Variants in MAP6 observed in about 807,000 individuals in gnomAD.
MAP6 encodes microtubule associated protein 6.
Under a neutral mutation model 42.4 loss-of-function variants are expected in MAP6, and 26 were observed. That is an observed-to-expected ratio of 0.61 (90% CI 0.45 to 0.85). The LOEUF (loss-of-function observed/expected upper bound fraction) is 0.85. MAP6 is among the 40% of genes least tolerant of loss of function. The pLI is 0.00. For synonymous variants in MAP6, 418 were observed against 443.8 expected, an observed-to-expected ratio of 0.94 and a Z score of 0.73; for missense variants, 966 against 1,099.0, an observed-to-expected ratio of 0.88 and a Z score of 1.71.
chr11:75,611,845 G>A (rs1942902412), intron 1 of MAP6, among the ~76,000 whole-genome samples: 1 of 152,234 alleles, frequency 6.6e-6, no homozygotes, highest in Non-Finnish European at 1.5e-5. Context: ...TATAAAGGAG[G>A]TAACCAAGGC....
intron 1 of MAP6, among the ~76,000 whole-genome samples, chr11:75,618,755 G>C (rs1943049592): frequency 6.6e-6 from 1 of 152,190 alleles, no homozygotes; most frequent in African/African-American, 2.4e-5. Flanking sequence ...CCCTGCCCTG[G>C]CCAGAGGCCC....
intron 1 of MAP6, among the ~76,000 whole-genome samples, chr11:75,649,481 T>C (rs1943613551): frequency 6.6e-6 from 1 of 151,946 alleles, no homozygotes; most frequent in African/African-American, 2.4e-5. Flanking sequence ...AATAACAACT[T>C]TACCTGAAAA....
intron 3 of MAP6, chr11:75,604,272 C>G: frequency 1.0e-6 from 1 of 985,868 alleles, no homozygotes. Context: ...AGGTGACAAC[C>G]AAAATGATGT....
chr11:75,646,538 C>T (rs1242389588), intron 1 of MAP6, among the ~76,000 whole-genome samples: 2 of 143,550 alleles, frequency 1.4e-5, no homozygotes, highest in African/African-American at 5.3e-5. Flanking sequence ...AGAGCAGTAG[C>T]TAATGCCTGT....
chr11:75,641,251 G>A (rs1473055083), intron 1 of MAP6, among the ~76,000 whole-genome samples: 3 of 149,202 alleles, frequency 2.0e-5, no homozygotes, highest in Non-Finnish European at 4.4e-5. Context: ...ACTGAACACT[G>A]CATGTTCTCA....
At chr11:75,633,431 A>T (rs750080404) in intron 1 of MAP6, among the ~76,000 whole-genome samples, 1 of 152,236 alleles carries the variant, frequency 6.6e-6, no homozygotes, top group Non-Finnish European at 1.5e-5. Context: ...TTTGTTTAAC[A>T]TATATTAACT....
intron 1 of MAP6, among the ~76,000 whole-genome samples, chr11:75,617,519 A>G (rs1337640168): frequency 1.9e-3 from 288 of 147,772 alleles, no homozygotes; most frequent in African/African-American, 6.9e-3. Flanking sequence ...GTCTCCAAAA[A>G]AAAAAAAAAA....
intron 3 of MAP6, chr11:75,596,634 G>A (rs1355548009): frequency 6.6e-6 from 1 of 152,414 alleles, no homozygotes; most frequent in African/African-American, 2.4e-5. Context: ...ATTCACACCT[G>A]GAAGCCCTAC....
chr11:75,608,072 A>C, intron 2 of MAP6, 37 bp downstream of exon 2: 1 of 1,595,852 alleles, frequency 6.3e-7, no homozygotes, highest in South Asian at 1.1e-5. Context: ...CTTATGGTCC[A>C]GGCTGTGCTG....
intron 3 of MAP6, among the ~76,000 whole-genome samples, chr11:75,600,166 T>C (rs1942641822): frequency 6.6e-6 from 1 of 152,094 alleles, no homozygotes; most frequent in Admixed American, 6.5e-5. Flanking sequence ...TGAAGTGACA[T>C]GTTTAGTGTC....
chr11:75,668,310 G>A lies in MAP6; in HGVS notation c.60C>T (p.Asp20=), dbSNP rs569926806. ...CCIARFWNQL[D]KADIAVPLVF... is the part of the protein sequence containing the mutation. ...CCAGCGGCACAGCGATGTCCGCTTT[G>A]TCCAACTGGTTCCAGAAGCGGGCGA... The change falls in exon 1 of 4, where the codon GAC becomes GAT. Residue 20 remains aspartate, a synonymous_variant. Transcript: ENST00000304771. 1.9e-6 allele frequency: 3 copies of A among 1,576,928 alleles called. No individual in the cohort carries two copies. Among genetic ancestry groups the A allele is most frequent in the South Asian group, 2.2e-5 (2 of 90,124 alleles).
At chr11:75,660,925 T>A (rs1943832737) in intron 1 of MAP6, among the ~76,000 whole-genome samples, 1 of 151,902 alleles carries the variant, frequency 6.6e-6, no homozygotes. Flanking sequence ...AATTTATTCT[T>A]TGGAAAGACT....
intron 3 of MAP6, among the ~76,000 whole-genome samples, chr11:75,589,625 C>T (rs1379739702): frequency 6.6e-6 from 1 of 152,160 alleles, no homozygotes; most frequent in South Asian, 2.1e-4. Flanking sequence ...TGGATCCTTC[C>T]GCTCCTGGAT....
chr11:75,663,629 A>C (rs1414992239), intron 1 of MAP6, among the ~76,000 whole-genome samples: 1 of 152,234 alleles, frequency 6.6e-6, no homozygotes, highest in Non-Finnish European at 1.5e-5. Context: ...AAGGGTTCAG[A>C]AAGTAAAAAG....
intron 3 of MAP6, chr11:75,594,315 T>C (rs1273165351): frequency 6.6e-6 from 1 of 152,240 alleles, no homozygotes; most frequent in African/African-American, 2.4e-5. Flanking sequence ...TCTGTTCCCT[T>C]GCTGCTGCCT....
At chr11:75,652,635 C>T (rs550373858) in intron 1 of MAP6, among the ~76,000 whole-genome samples, 1 of 152,024 alleles carries the variant, frequency 6.6e-6, no homozygotes, top group South Asian at 2.1e-4. Context: ...GTCAGGATAT[C>T]GAGACCATCC....
chr11:75,629,365 G>GC (rs201934805), intron 1 of MAP6, among the ~76,000 whole-genome samples: 2,835 of 152,202 alleles, frequency 0.019, 41 homozygotes, highest in Middle Eastern at 0.031. Context: ...TGGGATTACA[G>GC]GCATGAGCCA....
intron 1 of MAP6, among the ~76,000 whole-genome samples, chr11:75,628,547 C>T (rs1028256996): frequency 6.6e-6 from 1 of 152,178 alleles, no homozygotes; most frequent in Admixed American, 6.5e-5. Context: ...AGTAGAAGCC[C>T]ACTGTAGGCA....
chr11:75,603,870 T>TA, intron 3 of MAP6: 3 of 985,468 alleles, frequency 3.0e-6, no homozygotes, highest in Non-Finnish European at 3.6e-6. Context: ...AAATCCAAAT[T>TA]GTGGCTAGCA....
Sources: allele counts gnomAD v4.1 joint callset (sites outside exome capture counted in the v4.1 genomes callset), GRCh38; gene constraint gnomAD v4.1.1; transcripts MANE v1.5; gene names NCBI Gene and HGNC (gene_info 2026-07-23, HGNC 2026-07-21).